MCF2L2: variants seen among roughly 807,000 people sequenced by gnomAD.
MCF2L2 encodes MCF.2 cell line derived transforming sequence-like 2, also known as probable guanine nucleotide exchange factor MCF2L2.
A neutral mutation model predicts 150.2 loss-of-function variants in MCF2L2; 102 were observed. That is an observed-to-expected ratio of 0.68 (90% CI 0.58 to 0.80). MCF2L2 has a LOEUF of 0.80. Among genes scored for constraint, MCF2L2 ranks in the 30% least tolerant of loss-of-function variants. The pLI, the probability that MCF2L2 is intolerant of heterozygous loss-of-function variation, is 0.00. For synonymous variants in MCF2L2, 465 were observed against 491.3 expected (o/e 0.95, Z 0.71); for missense variants, 1,256 against 1,372.8 (o/e 0.91, Z 1.34).
chr3:183,223,485 C>G, intron 19 of MCF2L2, 47 bp from the exon 20 acceptor site: 1 of 1,414,984 alleles, frequency 7.1e-7, no homozygotes, highest in Non-Finnish European at 1.0e-6. Flanking sequence ...AAACAACACA[C>G]ACAGAATAAA....
Position 183,179,116 on chromosome 3 carries a change from G to A in MCF2L2, c.*264C>T, listed in dbSNP as rs1443940827. 13 of 386,326 alleles carry A rather than the reference G, an allele frequency of 3.4e-5. No homozygotes were observed. Among genetic ancestry groups the A allele is most frequent in the Non-Finnish European group, 4.1e-5 (9 of 220,062 alleles). The allele number at this position is 386,326 out of a possible 1,614,324, so 23.9% of individuals were successfully genotyped here. A position where few individuals can be genotyped will look rare whatever the true frequency, so the allele number is the denominator to read the frequency against. On this transcript the variant is annotated 3_prime_UTR_variant, in exon 30 of 30. Transcript: ENST00000328913. The surrounding 1 kb of genome is among the most constrained non-coding windows in gnomAD (Gnocchi z 4.2). ...GAATTGCCCGGCTCCGAATATCGAA[G>A]TGCGCGGTCGAGAAGGCGTGGGCTG... is the stretch of plus-strand genomic sequence containing the variant.
chr3:183,270,932 C>G lies in MCF2L2; in HGVS notation c.1862+5940G>C, dbSNP rs1389379472. The G allele has an allele frequency of 6.4e-6, 10 of 1,559,930 alleles. No individual in the cohort carries two copies. The South Asian group carries it at 1.2e-4, about 19-fold the overall frequency. On this transcript the variant is annotated intron_variant, in intron 15 of 29. Coordinates refer to ENST00000328913, the MANE Select transcript of MCF2L2 (RefSeq NM_015078.4). The surrounding 1 kb of genome is among the most constrained non-coding windows in gnomAD (Gnocchi z 4.5). ...CATACCCTTGTAGGGCTGCGTTTAT[C>G]TAATAGTACTTGAATGTTGTATGTT...
At position 183,351,209 on chromosome 3, in the gene MCF2L2, TA is replaced by T. The variant is rs1560034877; in HGVS notation, c.276-9580del. 8.8e-4 allele frequency among the ~76,000 whole-genome samples: 69 copies of T among 78,724 alleles called. 1 individual carries two copies. The East Asian group carries it at 0.021, about 24-fold the overall frequency. 51.6% of individuals were successfully genotyped at this position (78,724 alleles called of 152,430 possible). ...TCTTAAGTATATATATATATATATATATATATATATATATATATATATATAT... is the reference window on the plus strand; with the variant it reads ...TCTTAAGTATATATATATATATATATTATATATATATATATATATATATAT... On this transcript the variant is annotated intron_variant, in intron 3 of 29. Coordinates refer to ENST00000328913, the MANE Select transcript of MCF2L2 (RefSeq NM_015078.4).
chr3:183,279,438 A>G (rs1346098706), intron 14 of MCF2L2, among the ~76,000 whole-genome samples: 2 of 152,200 alleles, frequency 1.3e-5, no homozygotes, highest in African/African-American at 4.8e-5. Context: ...TTAGTGAGGG[A>G]TTCCTTATGA....
At chr3:183,389,634 T>A in intron 2 of MCF2L2, 62 bp downstream of exon 2, 1 of 1,395,150 alleles carries the variant, frequency 7.2e-7, no homozygotes, top group Non-Finnish European at 1.0e-6. Context: ...TTCAAGAGGC[T>A]GGACCTTCCC....
chr3:183,179,208 G>A lies in MCF2L2; in HGVS notation c.*172C>T. The A allele has an allele frequency of 1.1e-6, 1 of 886,482 alleles. No homozygotes were observed. The highest frequency in any genetic ancestry group is 1.5e-6 in the Non-Finnish European group (1 of 649,662). The allele number at this position is 886,482 out of a possible 1,614,324, so 54.9% of individuals were successfully genotyped here. On this transcript the variant is annotated 3_prime_UTR_variant, in exon 30 of 30. Coordinates refer to ENST00000328913, the MANE Select transcript of MCF2L2 (RefSeq NM_015078.4). This position sits in a 1 kb window ranked among gnomAD's most constrained non-coding sequence, Gnocchi z 4.2. ...AGGTCCCCCGTGCGGAGCTAGGCGC[G>A]CACCCAGGACACCCCTCGGGCTCCT...
At chr3:183,377,857 A>G (rs1385728709) in intron 3 of MCF2L2, 2 of 152,202 alleles carry the variant, frequency 1.3e-5, no homozygotes, top group Non-Finnish European at 2.9e-5. Context: ...CCTCACAGCA[A>G]CAAAGGATTC....
At chr3:183,385,133 G>C (rs1408587528) in intron 2 of MCF2L2, among the ~76,000 whole-genome samples, 1 of 152,074 alleles carries the variant, frequency 6.6e-6, no homozygotes, top group Non-Finnish European at 1.5e-5. Context: ...TGAATATCGA[G>C]TACATGTGGA....
At chr3:183,242,088 A>C (rs561747293) in intron 15 of MCF2L2, among the ~76,000 whole-genome samples, 8 of 152,372 alleles carry the variant, frequency 5.3e-5, no homozygotes, top group African/African-American at 1.7e-4. Context: ...CAAAGCATTC[A>C]AGATGTCACT....
Position 183,270,488 on chromosome 3 carries a change from T to C in MCF2L2, c.1862+6384A>G. 2 of 1,614,114 alleles carry C rather than the reference T, an allele frequency of 1.2e-6. No homozygotes were observed. The highest frequency in any genetic ancestry group is 1.7e-6 in the Non-Finnish European group (2 of 1,180,014). Reference sequence around the variant, plus strand: ...GTGTTCATCGTGGTGCCCCTCCCATTAGAGATAAAAGCAGCAAATACTACG... The same window carrying C: ...GTGTTCATCGTGGTGCCCCTCCCATCAGAGATAAAAGCAGCAAATACTACG... On this transcript the variant is annotated intron_variant, in intron 15 of 29. Transcript: ENST00000328913. The surrounding 1 kb of genome is among the most constrained non-coding windows in gnomAD (Gnocchi z 4.5).
At chr3:183,344,051 T>C (rs1730805888) in intron 3 of MCF2L2, among the ~76,000 whole-genome samples, 2 of 152,004 alleles carry the variant, frequency 1.3e-5, no homozygotes, top group South Asian at 4.1e-4. Context: ...GTGCCCGTAG[T>C]CTCAGCTCCT....
chr3:183,192,836 G>T, intron 27 of MCF2L2, 163 bp downstream of exon 27: 1 of 562,450 alleles, frequency 1.8e-6, no homozygotes. Context: ...CAAATGAATA[G>T]CAGGAAATTG....
At chr3:183,199,154 C>T (rs926100395) in intron 25 of MCF2L2, among the ~76,000 whole-genome samples, 2 of 152,154 alleles carry the variant, frequency 1.3e-5, no homozygotes, top group Non-Finnish European at 2.9e-5. Context: ...TCTTATGATG[C>T]ACACCCAGCT....
intron 26 of MCF2L2, among the ~76,000 whole-genome samples, chr3:183,193,562 G>A (rs949801676): frequency 5.3e-5 from 8 of 152,080 alleles, no homozygotes; most frequent in African/African-American, 1.9e-4. Context: ...TGTTGGCCAG[G>A]ATGGTCTTGA....
At chr3:183,373,698 T>C (rs1713021399) in intron 3 of MCF2L2, 1 of 152,130 alleles carries the variant, frequency 6.6e-6, no homozygotes, top group African/African-American at 2.4e-5. Context: ...GAAATCCTGA[T>C]GTAATTCATC....
At chr3:183,364,077 T>C (rs1304022601) in intron 3 of MCF2L2, among the ~76,000 whole-genome samples, 1 of 152,218 alleles carries the variant, frequency 6.6e-6, no homozygotes, top group East Asian at 1.9e-4. Context: ...TATCAGAATT[T>C]GTGGGTTTGT....
intron 22 of MCF2L2, among the ~76,000 whole-genome samples, chr3:183,211,449 CAT>C (rs999237393): frequency 2.6e-5 from 4 of 152,234 alleles, no homozygotes; most frequent in African/African-American, 9.6e-5. Context: ...CAGGACCACA[CAT>C]ATGACGGTAT....
At chr3:183,415,532 C>A (rs1466747478) in intron 1 of MCF2L2, among the ~76,000 whole-genome samples, 2 of 151,580 alleles carry the variant, frequency 1.3e-5, no homozygotes, top group Non-Finnish European at 1.5e-5. Flanking sequence ...TCAGTTTTTG[C>A]TTCATGTATT....
rs181952490 is a variant in MCF2L2 at position 183,197,662 on chromosome 3, G to A, written c.2885-2407C>T. Among the ~76,000 whole-genome samples the A allele has an allele frequency of 1.5e-3, 229 of 152,116 alleles. No individual in the cohort carries two copies. Among genetic ancestry groups the A allele is most frequent in the African/African-American group, 5.3e-3 (221 of 41,482 alleles). ...TGCTCTTCAAAAGTCACTCTTAAGAGAAAAAGATGCCACACACTAGAAGAA... is the reference window on the plus strand; with the variant it reads ...TGCTCTTCAAAAGTCACTCTTAAGAAAAAAAGATGCCACACACTAGAAGAA... On this transcript the variant is annotated intron_variant, in intron 25 of 29. Transcript: ENST00000328913. The surrounding 1 kb of genome is among the most constrained non-coding windows in gnomAD (Gnocchi z 4.5).
Sources: allele counts gnomAD v4.1 joint callset (sites outside exome capture counted in the v4.1 genomes callset), GRCh38; gene constraint gnomAD v4.1.1; non-coding constraint Gnocchi (gnomAD v3.1); transcripts MANE v1.5; gene names NCBI Gene and HGNC (gene_info 2026-07-23, HGNC 2026-07-21).